Variants in BTN3A2 observed in about 807,000 individuals in gnomAD.
The protein encoded by BTN3A2 is butyrophilin protein.
A neutral mutation model predicts 37.6 loss-of-function variants in BTN3A2; 25 were observed. The observed-to-expected ratio is 0.66, with a 90% CI of 0.48 to 0.93. The LOEUF is 0.93. Among genes scored for constraint, BTN3A2 ranks in the 40% least tolerant of loss-of-function variants. The probability of loss-of-function intolerance (pLI) is 0.00; values close to 1 mark genes in which losing one functional copy is unlikely to be tolerated. For synonymous variants in BTN3A2, 122 were observed against 159.4 expected, an observed-to-expected ratio of 0.77 and a Z score of 1.77; for missense variants, 266 against 410.9, an observed-to-expected ratio of 0.65 and a Z score of 3.05.
Position 26,374,753 on chromosome 6 carries a change from G to A in BTN3A2, c.*7-18G>A. On this transcript the variant is annotated intron_variant, in intron 9 of 10. Coordinates refer to ENST00000377708, the MANE Select transcript of BTN3A2 (RefSeq NM_007047.5). ...AAAAATACTGACCTTTTTCTTATCT[G>A]TGTCTCCTTCCTTTCAGAATGGAAA... The A allele has an allele frequency of 6.5e-7, 1 of 1,529,778 alleles. No individual in the cohort carries two copies. 94.8% of individuals were successfully genotyped at this position (1,529,778 alleles called of 1,614,324 possible).
intron 5 of BTN3A2, among the ~76,000 whole-genome samples, chr6:26,371,993 T>A (rs1198469554): frequency 6.6e-6 from 1 of 152,184 alleles, no homozygotes; most frequent in Non-Finnish European, 1.5e-5. Flanking sequence ...AAAGGTTTCT[T>A]ATAGCACTGA....
rs567196970 is a variant in BTN3A2 at position 26,377,018 on chromosome 6, C to T, written c.*1256C>T. On this transcript the variant is annotated 3_prime_UTR_variant, in exon 11 of 11. Coordinates refer to ENST00000377708, the MANE Select transcript of BTN3A2 (RefSeq NM_007047.5). Reference sequence around the variant, plus strand: ...GATCTCATATCTACACATTTCTGCACGCCTCTTCCTCTGAGCCTCTGTATC... The same window carrying T: ...GATCTCATATCTACACATTTCTGCATGCCTCTTCCTCTGAGCCTCTGTATC... 1.3e-5 allele frequency: 19 copies of T among 1,414,648 alleles called. No homozygotes were observed. The highest frequency in any genetic ancestry group is 6.8e-5 in the East Asian group (3 of 43,820). The allele number at this position is 1,414,648 out of a possible 1,614,324, so 87.6% of individuals were successfully genotyped here. A position where few individuals can be genotyped will look rare whatever the true frequency, so the allele number is the denominator to read the frequency against.
intron 5 of BTN3A2, 72 bp downstream of exon 5, chr6:26,370,675 T>C (rs1354282277): frequency 1.3e-6 from 2 of 1,591,124 alleles, no homozygotes; most frequent in Non-Finnish European, 1.7e-6. Flanking sequence ...TGTGTTAATA[T>C]CTGTGGTCGA....
intron 5 of BTN3A2, among the ~76,000 whole-genome samples, chr6:26,372,013 C>T (rs1760167886): frequency 6.6e-6 from 1 of 152,150 alleles, no homozygotes; most frequent in Admixed American, 6.5e-5. Flanking sequence ...ATTACTATTG[C>T]ACAAGGTTAG....
Position 26,376,708 on chromosome 6 carries a change from T to C in BTN3A2, c.*946T>C. On this transcript the variant is annotated 3_prime_UTR_variant, in exon 11 of 11. Coordinates refer to ENST00000377708, the MANE Select transcript of BTN3A2 (RefSeq NM_007047.5). Reference sequence around the variant, plus strand: ...AGATTTGAATGGCGTTACTGTGTGCTTGGCTGTGAAAGCTTCATGTCAGAG... The same window carrying C: ...AGATTTGAATGGCGTTACTGTGTGCCTGGCTGTGAAAGCTTCATGTCAGAG... 6.4e-7 allele frequency: 1 copy of C among 1,568,862 alleles called. No individual in the cohort carries two copies. Among genetic ancestry groups the C allele is most frequent in the Non-Finnish European group, 8.8e-7 (1 of 1,139,670 alleles).
Position 26,375,932 on chromosome 6 carries a change from C to A in BTN3A2, c.*170C>A. On this transcript the variant is annotated 3_prime_UTR_variant, in exon 11 of 11. Coordinates refer to ENST00000377708, the MANE Select transcript of BTN3A2 (RefSeq NM_007047.5). ...TTGAAAATTAACCTCTGAGGGCCAG[C>A]ACAGCAGCTCATGCCTGTAATCCTA... 1.4e-6 allele frequency: 2 copies of A among 1,405,148 alleles called. No individual in the cohort carries two copies. Among genetic ancestry groups the A allele is most frequent in the Non-Finnish European group, 2.0e-6 (2 of 1,022,834 alleles). The allele number at this position is 1,405,148 out of a possible 1,614,324, so 87.0% of individuals were successfully genotyped here.
intron 9 of BTN3A2, 131 bp from the exon 10 acceptor site, chr6:26,374,640 G>A (rs1299437703): frequency 1.1e-5 from 12 of 1,098,252 alleles, no homozygotes; most frequent in Non-Finnish European, 1.3e-5. Context: ...CATCAGAGCT[G>A]TAGAGGAGGG....
intron 1 of BTN3A2, among the ~76,000 whole-genome samples, chr6:26,367,213 C>T (rs1759597264): frequency 6.6e-6 from 1 of 152,218 alleles, no homozygotes; most frequent in Non-Finnish European, 1.5e-5. Flanking sequence ...CATTGAATTT[C>T]CTCCTAGGGA....
At position 26,368,650 on chromosome 6, in the gene BTN3A2, C is replaced by G. The variant is rs1366762182; in HGVS notation, c.171C>G (p.Thr57=). ...ATCTGCCCTGTCACCTGTTCCCGACCATGAGTGCAGAGACCATGGAGCTGA... is the reference window on the plus strand; with the variant it reads ...ATCTGCCCTGTCACCTGTTCCCGACGATGAGTGCAGAGACCATGGAGCTGA... ...DADLPCHLFP[T]MSAETMELKW... is the part of the protein sequence containing the mutation. Residue 57 remains threonine, a synonymous_variant, in exon 4 of 11, where the codon ACC becomes ACG. Transcript: ENST00000377708. 6.2e-7 allele frequency: 1 copy of G among 1,613,932 alleles called. No individual in the cohort carries two copies. The highest frequency in any genetic ancestry group is 8.5e-7 in the Non-Finnish European group (1 of 1,179,890).
chr6:26,366,520 T>TA (rs1201800946), intron 1 of BTN3A2, among the ~76,000 whole-genome samples: 1 of 152,236 alleles, frequency 6.6e-6, no homozygotes, highest in Non-Finnish European at 1.5e-5. Flanking sequence ...GAATGAATAA[T>TA]AAATAACCTA....
intron 5 of BTN3A2, 85 bp from the exon 6 acceptor site, chr6:26,372,812 A>C: frequency 6.5e-7 from 1 of 1,533,136 alleles, no homozygotes; most frequent in East Asian, 2.3e-5. Context: ...CCCCGACCTG[A>C]GCTGAGCAGC....
At chr6:26,366,124 G>A (rs1762039986) in intron 1 of BTN3A2, among the ~76,000 whole-genome samples, 1 of 152,062 alleles carries the variant, frequency 6.6e-6, no homozygotes, top group Admixed American at 6.5e-5. Context: ...ATTATTGGGA[G>A]TCTCTGTGAG....
In BTN3A2 at chr6:26,376,778, T is replaced by C. The variant is rs1760740978; in HGVS notation, c.*1016T>C. ...AAGTGGGGGACAGAAAAGAGTGGCA[T>C]ATTGGGGTATGTAGTAAGAACGTGG... is the stretch of plus-strand genomic sequence containing the variant. On this transcript the variant is annotated 3_prime_UTR_variant, in exon 11 of 11. Transcript: ENST00000377708. The C allele has an allele frequency of 6.2e-7, 1 of 1,610,962 alleles. No homozygotes were observed. The highest frequency in any genetic ancestry group is 8.5e-7 in the Non-Finnish European group (1 of 1,177,348).
At chr6:26,370,791 T>A (rs927739768) in intron 5 of BTN3A2, among the ~76,000 whole-genome samples, 188 bp downstream of exon 5, 3 of 152,194 alleles carry the variant, frequency 2.0e-5, no homozygotes, top group Non-Finnish European at 4.4e-5. Flanking sequence ...ACACAAACAT[T>A]TTCTGAACAT....
At chr6:26,374,921 A>G in intron 10 of BTN3A2, 123 bp downstream of exon 10, 2 of 1,007,172 alleles carry the variant, frequency 2.0e-6, no homozygotes, top group Non-Finnish European at 2.9e-6. Flanking sequence ...CTTCGTGGGT[A>G]GGAAGACGCA....
At chr6:26,366,171 A>T (rs1275862438) in intron 1 of BTN3A2, among the ~76,000 whole-genome samples, 2 of 152,146 alleles carry the variant, frequency 1.3e-5, no homozygotes, top group East Asian at 3.9e-4. Flanking sequence ...TAAAGAAGAA[A>T]AAAGAACAAA....
chr6:26,371,007 G>A (rs920492501), intron 5 of BTN3A2, among the ~76,000 whole-genome samples: 1 of 152,204 alleles, frequency 6.6e-6, no homozygotes, highest in African/African-American at 2.4e-5. Context: ...GCTCACGCCT[G>A]TAATCCCAGC....
chr6:26,373,508 A>C (rs1273602507), intron 8 of BTN3A2, 95 bp downstream of exon 8: 2 of 1,444,016 alleles, frequency 1.4e-6, no homozygotes, highest in East Asian at 2.4e-5. Flanking sequence ...AGGGTTGAAA[A>C]GTGGTCTTGG....
intron 8 of BTN3A2, chr6:26,373,916 C>T (rs954670297): frequency 5.5e-6 from 1 of 183,306 alleles, no homozygotes; most frequent in Non-Finnish European, 1.1e-5. Flanking sequence ...AAAACTAGTC[C>T]CTGAAATTGC....
Sources: gnomAD v4.1 joint callset for allele counts (sites outside exome capture counted in the v4.1 genomes callset) on GRCh38, gnomAD v4.1.1 for gene constraint, MANE v1.5 for transcripts, NCBI Gene and HGNC (gene_info 2026-07-23, HGNC 2026-07-21) for gene names.